Variants in CEP15 observed in about 807,000 individuals in gnomAD.
CEP15 encodes the protein centrosomal protein 15, also known as centrosomal protein 15 kDa.
chr3:62,321,171 T>C, the CEP15 span, among the ~76,000 whole-genome samples: 1 of 152,220 alleles, frequency 6.6e-6, no homozygotes, highest in Admixed American at 6.5e-5. The surrounding 1 kb of genome is among the most constrained non-coding windows in gnomAD (Gnocchi z 4.1). Context: ...TTGACTGTTA[T>C]GTATACCAAC....
chr3:62,333,489 T>C, the CEP15 span: 1 of 1,272,784 alleles, frequency 7.9e-7, no homozygotes, highest in South Asian at 1.5e-5. This position sits in a 1 kb window ranked among gnomAD's most constrained non-coding sequence, Gnocchi z 4.0. Flanking sequence ...ATGTTCATAT[T>C]CTTCGATTAT....
the CEP15 span, chr3:62,324,262 G>A: frequency 1.3e-5 from 2 of 151,944 alleles, no homozygotes; most frequent in Non-Finnish European, 2.9e-5. Context: ...ACGTGGTGGT[G>A]TATGCCTTTG....
the CEP15 span, among the ~76,000 whole-genome samples, chr3:62,325,767 C>G: frequency 6.6e-6 from 1 of 152,296 alleles, no homozygotes; most frequent in Non-Finnish European, 1.5e-5. Flanking sequence ...GGTGCGGTGG[C>G]TCACGCCTGT....
At chr3:62,330,580 T>G in the CEP15 span, among the ~76,000 whole-genome samples, 3 of 152,174 alleles carry the variant, frequency 2.0e-5, no homozygotes, top group Non-Finnish European at 4.4e-5. Flanking sequence ...TACCTTGGTG[T>G]TTTTACAGCT....
At chr3:62,322,097 C>G in the CEP15 span, 1 of 1,573,378 alleles carries the variant, frequency 6.4e-7, no homozygotes, top group East Asian at 2.3e-5. This position sits in a 1 kb window ranked among gnomAD's most constrained non-coding sequence, Gnocchi z 5.5. Context: ...CCCACCTTCT[C>G]AAAAATCTTT....
chr3:62,331,223 G>A, the CEP15 span: 1 of 921,680 alleles, frequency 1.1e-6, no homozygotes, highest in Non-Finnish European at 1.7e-6. Context: ...TATATCCAGA[G>A]AAGAGTTGAG....
chr3:62,321,916 C>T, the CEP15 span: 15 of 1,558,050 alleles, frequency 9.6e-6, no homozygotes, highest in African/African-American at 1.1e-4. The surrounding 1 kb of genome is among the most constrained non-coding windows in gnomAD (Gnocchi z 4.1). Context: ...ATATAATCTT[C>T]GTTTTTTTTC....
chr3:62,333,789 G>C, the CEP15 span: 1 of 151,968 alleles, frequency 6.6e-6, no homozygotes, highest in African/African-American at 2.4e-5. The surrounding 1 kb of genome is among the most constrained non-coding windows in gnomAD (Gnocchi z 4.0). Context: ...GATCAACATG[G>C]TTCTTTTTTT....
At chr3:62,319,878 C>T in the CEP15 span, 1 of 152,488 alleles carries the variant, frequency 6.6e-6, no homozygotes, top group African/African-American at 2.4e-5. Context: ...ATGGGCTTTC[C>T]TGCACTCCAC....
At chr3:62,324,677 A>G in the CEP15 span, among the ~76,000 whole-genome samples, 67 of 152,172 alleles carry the variant, frequency 4.4e-4, no homozygotes, top group Non-Finnish European at 7.6e-4. Context: ...CCATAGGGCA[A>G]TTACTCCTGA....
the CEP15 span, among the ~76,000 whole-genome samples, chr3:62,320,857 G>C: frequency 3.3e-5 from 5 of 152,136 alleles, no homozygotes; most frequent in Non-Finnish European, 7.4e-5. Context: ...TACAGTCACA[G>C]GTCCTGCATT....
the CEP15 span, chr3:62,333,494 G>C: frequency 2.4e-6 from 3 of 1,253,324 alleles, no homozygotes; most frequent in Non-Finnish European, 3.3e-6. The surrounding 1 kb of genome is among the most constrained non-coding windows in gnomAD (Gnocchi z 4.0). Context: ...CATATTCTTC[G>C]ATTATCTCCT....
chr3:62,331,303 A>G, the CEP15 span: 2 of 1,609,052 alleles, frequency 1.2e-6, no homozygotes, highest in Non-Finnish European at 1.7e-6. Context: ...ACTTTAATAT[A>G]AAATGCCGAT....
At chr3:62,335,932 A>T in the CEP15 span, 1 of 152,120 alleles carries the variant, frequency 6.6e-6, no homozygotes, top group Non-Finnish European at 1.5e-5. Flanking sequence ...TTGAAAAAAA[A>T]TTAAGAAGTA....
the CEP15 span, among the ~76,000 whole-genome samples, chr3:62,325,572 GTTAGTA>G: frequency 1.3e-5 from 2 of 152,150 alleles, no homozygotes; most frequent in East Asian, 1.9e-4. Flanking sequence ...ATTTTTCCCT[GTTAGTA>G]TTAGTAAAAT....
chr3:62,325,761 C>T, the CEP15 span, among the ~76,000 whole-genome samples: 4 of 152,242 alleles, frequency 2.6e-5, no homozygotes, highest in African/African-American at 4.8e-5. Context: ...GGGCCAGGTG[C>T]GGTGGCTCAC....
the CEP15 span, chr3:62,320,436 A>C: frequency 2.5e-6 from 4 of 1,578,452 alleles, no homozygotes; most frequent in Non-Finnish European, 3.5e-6. Context: ...AAGTAACTTT[A>C]AATGTTTTTA....
the CEP15 span, among the ~76,000 whole-genome samples, chr3:62,324,741 C>T: frequency 7.9e-5 from 12 of 152,234 alleles, no homozygotes; most frequent in Non-Finnish European, 1.5e-4. Flanking sequence ...TTCAGAAGTA[C>T]AGCCTACACT....
the CEP15 span, chr3:62,322,202 G>C: frequency 1.3e-6 from 1 of 770,496 alleles, no homozygotes; most frequent in Non-Finnish European, 2.1e-6. This position sits in a 1 kb window ranked among gnomAD's most constrained non-coding sequence, Gnocchi z 5.5. Context: ...GCCCATGTCA[G>C]TTAGATAAGT....
Sources: allele counts gnomAD v4.1 joint callset (sites outside exome capture counted in the v4.1 genomes callset), GRCh38; gene constraint gnomAD v4.1.1; non-coding constraint Gnocchi (gnomAD v3.1); transcripts MANE v1.5; gene names NCBI Gene and HGNC (gene_info 2026-07-23, HGNC 2026-07-21).